Variants in RASA3 observed in about 807,000 individuals in gnomAD.
RASA3 encodes ras GTPase-activating protein 3.
Under a neutral mutation model 110.0 loss-of-function variants are expected in RASA3, and 73 were observed. The ratio of observed to expected loss-of-function variants is 0.66; its 90% CI spans 0.55 to 0.81. The LOEUF (loss-of-function observed/expected upper bound fraction) is 0.81, where lower values mean the gene tolerates loss of function less well. Ranked by LOEUF, RASA3 falls within the 30% of genes least tolerant of loss-of-function variation. The probability of loss-of-function intolerance (pLI) is 0.00; values close to 1 mark genes in which losing one functional copy is unlikely to be tolerated. For missense variants in RASA3, 976 were observed against 1,113.2 expected, an observed-to-expected ratio of 0.88 and a Z score of 1.75; for synonymous variants, 500 against 451.4, an observed-to-expected ratio of 1.11 and a Z score of -1.37.
At chr13:113,993,337 G>A (rs1310726101) in intron 21 of RASA3, among the ~76,000 whole-genome samples, 3 of 151,902 alleles carry the variant, frequency 2.0e-5, no homozygotes, top group Non-Finnish European at 2.9e-5. Flanking sequence ...CACCACGCCT[G>A]GCTAATTTTT....
chr13:114,065,006 G>C lies in RASA3; in HGVS notation c.173+8714C>G, dbSNP rs1218121769. 6.6e-6 allele frequency among the ~76,000 whole-genome samples: 1 copy of C among 152,240 alleles called. No homozygotes were observed. Among genetic ancestry groups the C allele is most frequent in the Non-Finnish European group, 1.5e-5 (1 of 68,028 alleles). Reference sequence around the variant, plus strand: ...GTCTCCTTTCCCTCAGTCATTTCTGGAAGAAGTGCAAATGAAGTTTCACAG... The same window carrying C: ...GTCTCCTTTCCCTCAGTCATTTCTGCAAGAAGTGCAAATGAAGTTTCACAG... On this transcript the variant is annotated intron_variant, in intron 2 of 23. Transcript: ENST00000334062. The surrounding 1 kb of genome is among the most constrained non-coding windows in gnomAD (Gnocchi z 4.1).
chr13:114,063,365 TAC>T (rs2079393794), intron 2 of RASA3, among the ~76,000 whole-genome samples: 1 of 149,992 alleles, frequency 6.7e-6, no homozygotes, highest in Admixed American at 6.7e-5. Flanking sequence ...ATAACATAAA[TAC>T]AATATTTATA....
chr13:114,061,025 A>AGCCGGCAGACGGAGCCCCCACC, intron 2 of RASA3, among the ~76,000 whole-genome samples: 1 of 151,254 alleles, frequency 6.6e-6, no homozygotes, highest in African/African-American at 2.4e-5. Flanking sequence ...GAGCCCCCAC[A>AGCCGGCAGACGGAGCCCCCACC]GCCGGCAGAT....
intron 23 of RASA3, 46 bp from the exon 24 acceptor site, chr13:113,979,468 CTGG>C: frequency 6.8e-7 from 1 of 1,464,366 alleles, no homozygotes; most frequent in Non-Finnish European, 9.6e-7. Flanking sequence ...ACCCCGTTGC[CTGG>C]TGCTCACCCG....
intron 2 of RASA3, among the ~76,000 whole-genome samples, chr13:114,072,510 A>C (rs1005578145): frequency 2.0e-5 from 3 of 152,240 alleles, no homozygotes; most frequent in Non-Finnish European, 2.9e-5. Context: ...CAGGAAGAGA[A>C]AAGCTTTCTC....
In RASA3 at chr13:114,014,325, G is replaced by C. The variant is rs1295101814; in HGVS notation, c.1405+884C>G. ...GTGGGTCTGGGGCTGGGATGTGCTTGGGAACTGCCTCCCCCAGAACCCTGG... is the reference window on the plus strand; with the variant it reads ...GTGGGTCTGGGGCTGGGATGTGCTTCGGAACTGCCTCCCCCAGAACCCTGG... On this transcript the variant is annotated intron_variant, in intron 14 of 23. Transcript: ENST00000334062. The surrounding 1 kb of genome is among the most constrained non-coding windows in gnomAD (Gnocchi z 4.5). 6.6e-6 allele frequency among the ~76,000 whole-genome samples: 1 copy of C among 152,210 alleles called. No individual in the cohort carries two copies. The highest frequency in any genetic ancestry group is 2.4e-5 in the African/African-American group (1 of 41,452).
intron 2 of RASA3, among the ~76,000 whole-genome samples, chr13:114,061,315 T>G (rs1200065950): frequency 6.6e-6 from 1 of 152,086 alleles, no homozygotes; most frequent in Non-Finnish European, 1.5e-5. Flanking sequence ...ATGTTTTTCC[T>G]CTTAGAACCG....
At chr13:114,036,117 G>C (rs2054273909) in intron 4 of RASA3, 1 of 152,280 alleles carries the variant, frequency 6.6e-6, no homozygotes, top group African/African-American at 2.4e-5. Context: ...CAGGCGCCCA[G>C]ATCACCGCGG....
At chr13:114,031,049 C>A (rs527537433) in intron 4 of RASA3, among the ~76,000 whole-genome samples, 1 of 149,244 alleles carries the variant, frequency 6.7e-6, no homozygotes, top group East Asian at 2.0e-4. Context: ...CTGTGTGTGG[C>A]TGTGTCCACC....
At chr13:113,991,796 A>G (rs1374338743) in intron 22 of RASA3, among the ~76,000 whole-genome samples, 1 of 152,256 alleles carries the variant, frequency 6.6e-6, no homozygotes, top group Non-Finnish European at 1.5e-5. Flanking sequence ...GCATGCTGAC[A>G]CATGTGCCCA....
At chr13:113,989,119 C>G (rs1471808364) in intron 22 of RASA3, among the ~76,000 whole-genome samples, 5 of 149,652 alleles carry the variant, frequency 3.3e-5, no homozygotes, top group Admixed American at 1.3e-4. Context: ...ATCACCATCA[C>G]TCACCCATCT....
rs549105999 is a variant in RASA3 at position 114,048,540 on chromosome 13, C to T, written c.277+3512G>A. Among the ~76,000 whole-genome samples the T allele has an allele frequency of 5.1e-4, 77 of 152,316 alleles. No homozygotes were observed. Among genetic ancestry groups the T allele is most frequent in the Non-Finnish European group, 1.0e-3 (69 of 68,014 alleles). Reference sequence around the variant, plus strand: ...CCTGACAGCACCGAGCCGGGCCTCGCGCATTTCCGTGGTTCCCGCATCCCA... The same window carrying T: ...CCTGACAGCACCGAGCCGGGCCTCGTGCATTTCCGTGGTTCCCGCATCCCA... On this transcript the variant is annotated intron_variant, in intron 3 of 23. Transcript: ENST00000334062. The surrounding 1 kb of genome is among the most constrained non-coding windows in gnomAD (Gnocchi z 4.3).
intron 16 of RASA3, among the ~76,000 whole-genome samples, chr13:114,009,897 A>T (rs915596428): frequency 6.6e-6 from 1 of 152,070 alleles, no homozygotes; most frequent in African/African-American, 2.4e-5. Flanking sequence ...GGGGGCAGGG[A>T]CCTCCATCAC....
chr13:114,034,433 C>G (rs1183805750), intron 4 of RASA3, among the ~76,000 whole-genome samples: 4 of 152,070 alleles, frequency 2.6e-5, no homozygotes, highest in African/African-American at 9.7e-5. Context: ...GCTCTCCCGG[C>G]CCCTGGCAGC....
chr13:113,990,372 C>T (rs567749141), intron 22 of RASA3, among the ~76,000 whole-genome samples: 6 of 152,184 alleles, frequency 3.9e-5, no homozygotes, highest in Non-Finnish European at 7.3e-5. Context: ...TGATGCGGGG[C>T]GCACGGCCTA....
At chr13:114,064,978 A>T (rs2139632740) in intron 2 of RASA3, among the ~76,000 whole-genome samples, 1 of 152,416 alleles carries the variant, frequency 6.6e-6, no homozygotes, top group East Asian at 1.9e-4. Flanking sequence ...AGACCCTGGC[A>T]AAGTCTCCTT....
rs2079412730 is a variant in RASA3 at position 114,064,487 on chromosome 13, G to A, written c.173+9233C>T. 2.0e-5 allele frequency among the ~76,000 whole-genome samples: 3 copies of A among 152,202 alleles called. No homozygotes were observed. The South Asian group carries it at 6.2e-4, about 32-fold the overall frequency. On this transcript the variant is annotated intron_variant, in intron 2 of 23. Coordinates refer to ENST00000334062, the MANE Select transcript of RASA3 (RefSeq NM_007368.4). ...GGTGCAAAGCCCAGGCCCACGGACA[G>A]CCCCCCGCTGTCCGTGGGTCTCATG...
intron 1 of RASA3, among the ~76,000 whole-genome samples, chr13:114,113,546 T>C (rs1299666881): frequency 2.0e-5 from 3 of 152,034 alleles, no homozygotes; most frequent in Non-Finnish European, 4.4e-5. Flanking sequence ...GCTCACATTG[T>C]GTCCACCAAT....
intron 2 of RASA3, among the ~76,000 whole-genome samples, chr13:114,072,264 C>T (rs963891376): frequency 6.6e-6 from 1 of 152,210 alleles, no homozygotes; most frequent in African/African-American, 2.4e-5. Context: ...CCTCCGAGTA[C>T]GGCCTGGCCA....
Sources: gnomAD v4.1 joint callset for allele counts (sites outside exome capture counted in the v4.1 genomes callset) on GRCh38, gnomAD v4.1.1 for gene constraint, Gnocchi (gnomAD v3.1) non-coding constraint, MANE v1.5 for transcripts, NCBI Gene and HGNC (gene_info 2026-07-23, HGNC 2026-07-21) for gene names.